The following MAPKAP1 variants were observed in gnomAD, a reference collection of about 807,000 sequenced individuals.
MAPKAP1 encodes the protein target of rapamycin complex 2 subunit MAPKAP1.
MAPKAP1 carries 20 observed loss-of-function variants against 65.7 expected under a neutral mutation model. The ratio of observed to expected loss-of-function variants is 0.30; its 90% confidence interval spans 0.21 to 0.44. MAPKAP1 has a LOEUF of 0.44. Ranked by LOEUF, MAPKAP1 falls within the 20% of genes least tolerant of loss-of-function variation. MAPKAP1 has a pLI of 1.00. For missense variants in MAPKAP1, 423 were observed against 648.0 expected (o/e 0.65, Z 3.77); for synonymous variants, 222 against 244.3 (o/e 0.91, Z 0.85).
chr9:125,487,628 A>C (rs1854539388), intron 8 of MAPKAP1, among the ~76,000 whole-genome samples: 1 of 151,732 alleles, frequency 6.6e-6, no homozygotes, highest in Non-Finnish European at 1.5e-5. Context: ...AAAAAAAAAA[A>C]AAAAACCCAC....
At chr9:125,689,970 C>T (rs953055702) in intron 1 of MAPKAP1, among the ~76,000 whole-genome samples, 1 of 151,972 alleles carries the variant, frequency 6.6e-6, no homozygotes, top group African/African-American at 2.4e-5. Flanking sequence ...CGCCCGTAAT[C>T]CCAACTACTC....
intron 10 of MAPKAP1, among the ~76,000 whole-genome samples, chr9:125,445,422 C>T (rs1852675120): frequency 6.6e-6 from 1 of 152,256 alleles, no homozygotes; most frequent in Non-Finnish European, 1.5e-5. Flanking sequence ...CTCTCACTGA[C>T]CCGGATGGGA....
intron 5 of MAPKAP1, among the ~76,000 whole-genome samples, chr9:125,567,094 A>G (rs559086429): frequency 6.6e-6 from 1 of 152,326 alleles, no homozygotes; most frequent in African/African-American, 2.4e-5. Flanking sequence ...TATTGAGTTC[A>G]GCCCAAGTCC....
intron 6 of MAPKAP1, among the ~76,000 whole-genome samples, chr9:125,547,775 C>G (rs1180531671): frequency 6.6e-6 from 1 of 152,164 alleles, no homozygotes; most frequent in East Asian, 1.9e-4. Flanking sequence ...GCCTGTGGCC[C>G]AAGCACCAAA....
intron 10 of MAPKAP1, among the ~76,000 whole-genome samples, chr9:125,450,032 C>T (rs891628158): frequency 1.9e-4 from 29 of 152,076 alleles, no homozygotes; most frequent in Non-Finnish European, 2.9e-5. Flanking sequence ...AAGCGATTCT[C>T]CTGCCTCAGC....
Position 125,707,112 on chromosome 9 carries a change from G to C in MAPKAP1, c.-211C>G, listed in dbSNP as rs1039356228. The C allele has an allele frequency of 2.5e-6, 1 of 398,236 alleles. No individual in the cohort carries two copies. The highest frequency in any genetic ancestry group is 4.4e-6 in the Non-Finnish European group (1 of 225,808). The allele number at this position is 398,236 out of a possible 1,614,324, so 24.7% of individuals were successfully genotyped here. On this transcript the variant is annotated 5_prime_UTR_variant, in exon 1 of 12. Coordinates refer to ENST00000265960, the MANE Select transcript of MAPKAP1 (RefSeq NM_001006617.3). ...CGGGGACCGGCGCTCCTCCCGGCCCGCTCAGCTGCCGCTTCCCGGGTTAGC... is the reference window on the plus strand; with the variant it reads ...CGGGGACCGGCGCTCCTCCCGGCCCCCTCAGCTGCCGCTTCCCGGGTTAGC...
intron 5 of MAPKAP1, among the ~76,000 whole-genome samples, chr9:125,576,643 A>C (rs62570221): frequency 9.2e-5 from 14 of 152,302 alleles, no homozygotes; most frequent in East Asian, 7.7e-4. Context: ...CTCAGCCTGC[A>C]GAGTGCCTGC....
At chr9:125,534,894 C>T (rs1830030642) in intron 7 of MAPKAP1, among the ~76,000 whole-genome samples, 1 of 152,152 alleles carries the variant, frequency 6.6e-6, no homozygotes. Flanking sequence ...CCCATGTGCA[C>T]CCAGGCCCTA....
chr9:125,438,011 G>A lies in MAPKAP1; in HGVS notation c.*876C>T, dbSNP rs867524152. On this transcript the variant is annotated 3_prime_UTR_variant, in exon 12 of 12. Transcript: ENST00000265960. ...GGCGCTGTAAGGAGAAGAGGAATGG[G>A]GAATGTGGCCCCTTCCAAGGCAGCG... is the stretch of plus-strand genomic sequence containing the variant. 1 of 203,076 alleles carries A rather than the reference G, an allele frequency of 4.9e-6. No homozygotes were observed. The highest frequency in any genetic ancestry group is 6.0e-5 in the Admixed American group (1 of 16,788). The allele number at this position is 203,076 out of a possible 1,614,324, so 12.6% of individuals were successfully genotyped here. A position where few individuals can be genotyped will look rare whatever the true frequency, so the allele number is the denominator to read the frequency against.
At chr9:125,698,837 G>A (rs1835511402) in intron 1 of MAPKAP1, among the ~76,000 whole-genome samples, 1 of 152,100 alleles carries the variant, frequency 6.6e-6, no homozygotes, top group Non-Finnish European at 1.5e-5. Context: ...CTTAAAAACA[G>A]CATCCTAAAG....
At chr9:125,481,857 G>GT (rs992304798) in intron 9 of MAPKAP1, among the ~76,000 whole-genome samples, 42 of 152,096 alleles carry the variant, frequency 2.8e-4, no homozygotes, top group African/African-American at 9.9e-4. Flanking sequence ...GTGGCCAGGC[G>GT]TGGTGGTTCA....
chr9:125,579,798 G>C (rs1045820393), intron 5 of MAPKAP1, among the ~76,000 whole-genome samples: 11 of 152,148 alleles, frequency 7.2e-5, no homozygotes, highest in African/African-American at 2.7e-4. Context: ...TGCCCGACAG[G>C]AGGAGATCCC....
intron 1 of MAPKAP1, among the ~76,000 whole-genome samples, chr9:125,688,740 TAA>T (rs1835065368): frequency 6.6e-6 from 1 of 152,100 alleles, no homozygotes; most frequent in African/African-American, 2.4e-5. Context: ...CCTCATCTCT[TAA>T]AAACAAAATA....
chr9:125,641,393 TCA>T (rs1726669244), intron 4 of MAPKAP1, among the ~76,000 whole-genome samples: 1 of 152,194 alleles, frequency 6.6e-6, no homozygotes, highest in Non-Finnish European at 1.5e-5. Context: ...TTTTCAGCAC[TCA>T]CAGATTCTGA....
At chr9:125,590,706 T>C (rs1460846171) in intron 4 of MAPKAP1, among the ~76,000 whole-genome samples, 1 of 152,042 alleles carries the variant, frequency 6.6e-6, no homozygotes, top group Admixed American at 6.5e-5. Context: ...AGCTGTTAAG[T>C]AAACTCTGCT....
intron 6 of MAPKAP1, among the ~76,000 whole-genome samples, chr9:125,554,284 T>C (rs965355352): frequency 3.9e-5 from 6 of 152,144 alleles, no homozygotes; most frequent in Non-Finnish European, 8.8e-5. Context: ...AGTCACACTA[T>C]ACACAAGTAT....
At chr9:125,699,538 T>G (rs1835534142) in intron 1 of MAPKAP1, among the ~76,000 whole-genome samples, 1 of 152,168 alleles carries the variant, frequency 6.6e-6, no homozygotes, top group South Asian at 2.1e-4. Context: ...AAATAAAGTT[T>G]TAACTGCAAC....
chr9:125,447,535 G>A lies in MAPKAP1; in HGVS notation c.1346-2937C>T, dbSNP rs1262412113. On this transcript the variant is annotated intron_variant, in intron 10 of 11. Coordinates refer to ENST00000265960, the MANE Select transcript of MAPKAP1 (RefSeq NM_001006617.3). The surrounding 1 kb of genome is among the most constrained non-coding windows in gnomAD (Gnocchi z 4.5). ...GATCAGCAGCCATGCTGGGCCATAG[G>A]ACATGGGGCGGACTCACTCCGCGGG... The A allele has an allele frequency of 4.4e-6, 2 of 455,794 alleles. No individual in the cohort carries two copies. Among genetic ancestry groups the A allele is most frequent in the South Asian group, 3.1e-5 (2 of 64,546 alleles). 28.2% of individuals were successfully genotyped at this position (455,794 alleles called of 1,614,324 possible).
chr9:125,460,553 T>C (rs975798003), intron 10 of MAPKAP1, among the ~76,000 whole-genome samples: 3 of 152,188 alleles, frequency 2.0e-5, no homozygotes, highest in Non-Finnish European at 4.4e-5. Flanking sequence ...ATGACGAATA[T>C]GGGAGGTGTG....
Sources: gnomAD v4.1 joint callset for allele counts (sites outside exome capture counted in the v4.1 genomes callset) on GRCh38, gnomAD v4.1.1 for gene constraint, Gnocchi (gnomAD v3.1) non-coding constraint, MANE v1.5 for transcripts, NCBI Gene and HGNC (gene_info 2026-07-23, HGNC 2026-07-21) for gene names.